QTMAN: variants seen among roughly 807,000 people sequenced by gnomAD.
QTMAN encodes the protein queuosine-tRNA mannosyltransferase.
the QTMAN span, among the ~76,000 whole-genome samples, chr2:144,027,622 G>A: frequency 6.6e-6 from 1 of 152,188 alleles, no homozygotes; most frequent in East Asian, 1.9e-4. Context: ...GGTAGAGGAG[G>A]GTTTCAAGTT....
At chr2:144,059,679 A>G in the QTMAN span, among the ~76,000 whole-genome samples, 1 of 152,198 alleles carries the variant, frequency 6.6e-6, no homozygotes, top group African/African-American at 2.4e-5. Context: ...CTCAGAATGA[A>G]CAAATGCAAA....
chr2:143,975,782 G>C, the QTMAN span, among the ~76,000 whole-genome samples: 1 of 152,170 alleles, frequency 6.6e-6, no homozygotes, highest in Non-Finnish European at 1.5e-5. Flanking sequence ...ACATGGAGGA[G>C]AGTTGCCCTG....
At chr2:144,040,023 T>C in the QTMAN span, among the ~76,000 whole-genome samples, 5 of 152,204 alleles carry the variant, frequency 3.3e-5, no homozygotes, top group Admixed American at 2.0e-4. Flanking sequence ...ACAGGGGCTA[T>C]GTATTCTCAG....
chr2:144,333,036 A>C, the QTMAN span, among the ~76,000 whole-genome samples: 3 of 151,636 alleles, frequency 2.0e-5, no homozygotes, highest in Non-Finnish European at 2.9e-5. Context: ...CCTTGCCGAC[A>C]CCTCTACCTG....
the QTMAN span, among the ~76,000 whole-genome samples, chr2:144,186,021 C>T: frequency 6.6e-6 from 1 of 152,128 alleles, no homozygotes; most frequent in African/African-American, 2.4e-5. Flanking sequence ...GCAGAAGCTA[C>T]CCAACAGGAT....
At chr2:144,213,504 T>C in the QTMAN span, among the ~76,000 whole-genome samples, 1 of 152,200 alleles carries the variant, frequency 6.6e-6, no homozygotes, top group Admixed American at 6.5e-5. Flanking sequence ...ATTCAAATCA[T>C]TTTCCAACCA....
the QTMAN span, among the ~76,000 whole-genome samples, chr2:144,274,616 T>C: frequency 2.8e-4 from 42 of 152,324 alleles, no homozygotes; most frequent in Admixed American, 2.5e-3. Context: ...GCTGAATGCA[T>C]AGAGGTACTG....
At chr2:144,059,049 T>C in the QTMAN span, among the ~76,000 whole-genome samples, 92 of 152,350 alleles carry the variant, frequency 6.0e-4, no homozygotes, top group African/African-American at 2.1e-3. Flanking sequence ...GCTCCCAGTA[T>C]CCTACAGGAT....
the QTMAN span, among the ~76,000 whole-genome samples, chr2:144,321,980 G>A: frequency 6.6e-6 from 1 of 152,122 alleles, no homozygotes; most frequent in Non-Finnish European, 1.5e-5. Context: ...TGACAAGAAT[G>A]ACCATTAACT....
chr2:144,143,731 C>T, the QTMAN span, among the ~76,000 whole-genome samples: 1 of 151,890 alleles, frequency 6.6e-6, no homozygotes, highest in Admixed American at 6.6e-5. Flanking sequence ...CCATATGTCA[C>T]ATATTGTAAT....
chr2:144,159,867 G>C, the QTMAN span, among the ~76,000 whole-genome samples: 26 of 152,220 alleles, frequency 1.7e-4, no homozygotes, highest in African/African-American at 6.0e-4. Flanking sequence ...TATTGTAGAG[G>C]ACCTTGAATG....
chr2:143,949,113 C>T, the QTMAN span, among the ~76,000 whole-genome samples: 7 of 149,922 alleles, frequency 4.7e-5, no homozygotes, highest in East Asian at 5.8e-4. Flanking sequence ...GCCAAGTGTA[C>T]GTGTGTGTGT....
the QTMAN span, among the ~76,000 whole-genome samples, chr2:144,130,454 C>T: frequency 1.3e-5 from 2 of 151,840 alleles, no homozygotes; most frequent in East Asian, 3.9e-4. Flanking sequence ...ATAAAGTAAA[C>T]ATCATATGAT....
the QTMAN span, among the ~76,000 whole-genome samples, chr2:144,112,730 T>C: frequency 3.3e-5 from 5 of 152,216 alleles, no homozygotes; most frequent in Non-Finnish European, 7.3e-5. Context: ...AGGCACAGAC[T>C]GAGAACTGGG....
chr2:144,155,671 A>G, the QTMAN span, among the ~76,000 whole-genome samples: 3 of 152,160 alleles, frequency 2.0e-5, no homozygotes, highest in Admixed American at 6.6e-5. Context: ...CTAAAATTAT[A>G]CACATTTAAG....
the QTMAN span, among the ~76,000 whole-genome samples, chr2:144,158,478 G>C: frequency 6.6e-6 from 1 of 151,890 alleles, no homozygotes; most frequent in Non-Finnish European, 1.5e-5. Context: ...GTGTGTGGAT[G>C]TGTGTGTGAG....
chr2:144,103,099 T>C, the QTMAN span, among the ~76,000 whole-genome samples: 1 of 152,190 alleles, frequency 6.6e-6, no homozygotes, highest in Non-Finnish European at 1.5e-5. Flanking sequence ...ATGATGAAGA[T>C]GATGACAATA....
chr2:144,258,837 T>C, the QTMAN span, among the ~76,000 whole-genome samples: 1 of 152,154 alleles, frequency 6.6e-6, no homozygotes, highest in South Asian at 2.1e-4. Context: ...AGGATGGACA[T>C]AGAATAGCTT....
the QTMAN span, among the ~76,000 whole-genome samples, chr2:144,103,978 G>A: frequency 6.6e-6 from 1 of 151,982 alleles, no homozygotes; most frequent in Non-Finnish European, 1.5e-5. Context: ...TAATCCCAGT[G>A]ACTCAGGAGG....
Sources: gnomAD v4.1 joint callset for allele counts (sites outside exome capture counted in the v4.1 genomes callset) on GRCh38, gnomAD v4.1.1 for gene constraint, MANE v1.5 for transcripts, NCBI Gene and HGNC (gene_info 2026-07-23, HGNC 2026-07-21) for gene names.